Variants in PRIM1 observed in about 807,000 individuals in gnomAD.
PRIM1 encodes the protein DNA primase subunit 1.
PRIM1 carries 38 observed loss-of-function variants against 60.2 expected under a neutral mutation model. The observed-to-expected ratio is 0.63, with a 90% CI of 0.49 to 0.83. The LOEUF (loss-of-function observed/expected upper bound fraction) is 0.83, where lower values mean the gene tolerates loss of function less well. PRIM1 is among the 40% of genes least tolerant of loss of function. The pLI, the probability that PRIM1 is intolerant of heterozygous loss-of-function variation, is 0.00. For synonymous variants in PRIM1, 158 were observed against 160.2 expected (o/e 0.99, Z 0.10); for missense variants, 388 against 506.2 (o/e 0.77, Z 2.24).
At chr12:56,743,906 C>G in intron 6 of PRIM1, 159 bp downstream of exon 6, 1 of 538,476 alleles carries the variant, frequency 1.9e-6, no homozygotes, top group Admixed American at 3.3e-5. Flanking sequence ...TGTAAAGCAC[C>G]TTTTAGGAAT....
chr12:56,733,411 A>G (rs1456626248), intron 12 of PRIM1, among the ~76,000 whole-genome samples: 4 of 151,320 alleles, frequency 2.6e-5, no homozygotes, highest in Non-Finnish European at 5.9e-5. Flanking sequence ...CACCTGCCTC[A>G]GCATCCCAAA....
chr12:56,746,688 T>G, intron 4 of PRIM1, 93 bp downstream of exon 4: 3 of 1,065,534 alleles, frequency 2.8e-6, no homozygotes, highest in East Asian at 5.1e-5. Context: ...ATTAATGAGA[T>G]TTGATCACAA....
intron 12 of PRIM1, among the ~76,000 whole-genome samples, chr12:56,732,829 G>T (rs567136392): frequency 1.3e-5 from 2 of 151,388 alleles, no homozygotes; most frequent in Non-Finnish European, 2.9e-5. Context: ...ATACCTTATG[G>T]TATAGTATAT....
At chr12:56,747,852 A>T (rs970883249) in intron 2 of PRIM1, among the ~76,000 whole-genome samples, 5 of 151,306 alleles carry the variant, frequency 3.3e-5, no homozygotes, top group Non-Finnish European at 7.4e-5. Context: ...GGCTGTCAGT[A>T]AGGAAAGATA....
chr12:56,741,622 G>T, intron 8 of PRIM1, 46 bp from the exon 9 acceptor site: 1 of 1,585,798 alleles, frequency 6.3e-7, no homozygotes, highest in South Asian at 1.1e-5. Flanking sequence ...AGGAACTGTT[G>T]AAGATTTCTT....
intron 9 of PRIM1, 102 bp from the exon 10 acceptor site, chr12:56,739,465 A>T: frequency 4.4e-6 from 3 of 679,416 alleles, no homozygotes; most frequent in Non-Finnish European, 7.0e-6. Context: ...TAAGGCTTAG[A>T]CAAAGGGTTA....
At chr12:56,734,116 C>T (rs1017542148) in intron 12 of PRIM1, 31 bp downstream of exon 12, 14 of 1,453,114 alleles carry the variant, frequency 9.6e-6, no homozygotes, top group Non-Finnish European at 1.3e-5. Flanking sequence ...TAAGATCTAA[C>T]TAGATAGAAG....
rs375368440 is a variant in PRIM1 at position 56,739,307 on chromosome 12, C to G, written c.1039G>C (p.Val347Leu). Reference sequence around the variant, plus strand: ...TCTGAAACATACCTTATGGTCGGAACAGTAAATGGATCAAACTGGTCCACT... The same window carrying G: ...TCTGAAACATACCTTATGGTCGGAAGAGTAAATGGATCAAACTGGTCCACT... The part of the protein sequence containing the change: ...QKVDQFDPFT[V>L]PTISFICREL... Residue 347 changes from valine to leucine, a missense_variant, in exon 10 of 13, where the codon GTT (valine) becomes CTT (leucine). Coordinates refer to ENST00000338193, the MANE Select transcript of PRIM1 (RefSeq NM_000946.3). 6.4e-7 allele frequency: 1 copy of G among 1,572,828 alleles called. No individual in the cohort carries two copies. Among genetic ancestry groups the G allele is most frequent in the Non-Finnish European group, 8.7e-7 (1 of 1,153,024 alleles).
chr12:56,747,117 G>T, intron 2 of PRIM1, 85 bp from the exon 3 acceptor site: 3 of 1,149,098 alleles, frequency 2.6e-6, no homozygotes, highest in Non-Finnish European at 3.8e-6. Context: ...GGAAAAAGTT[G>T]CCAAACAGAA....
At chr12:56,736,327 A>AAG (rs1953830227) in intron 11 of PRIM1, among the ~76,000 whole-genome samples, 1 of 148,654 alleles carries the variant, frequency 6.7e-6, no homozygotes, top group Non-Finnish European at 1.5e-5. Flanking sequence ...AAAAAAAAAA[A>AAG]GAATATACAA....
chr12:56,735,230 C>T (rs1358540072), intron 11 of PRIM1, among the ~76,000 whole-genome samples: 3 of 152,172 alleles, frequency 2.0e-5, no homozygotes, highest in South Asian at 4.1e-4. Context: ...TCCTGAGTAG[C>T]TGGGACTATA....
chr12:56,740,766 T>C (rs1953866807), intron 9 of PRIM1, among the ~76,000 whole-genome samples: 1 of 151,912 alleles, frequency 6.6e-6, no homozygotes, highest in South Asian at 2.1e-4. Context: ...CGAAAAAAAT[T>C]TTTTTTTGTT....
intron 9 of PRIM1, among the ~76,000 whole-genome samples, chr12:56,740,596 A>G (rs1183654431): frequency 2.0e-5 from 3 of 152,058 alleles, no homozygotes; most frequent in South Asian, 2.1e-4. Flanking sequence ...CCTGGGCAAC[A>G]TGGCAAAACC....
intron 9 of PRIM1, among the ~76,000 whole-genome samples, chr12:56,740,158 AC>A (rs1347920061): frequency 3.3e-5 from 5 of 151,972 alleles, no homozygotes; most frequent in Non-Finnish European, 5.9e-5. Flanking sequence ...AAGAAAAAAA[AC>A]AAAAACAAAA....
At chr12:56,742,022 G>GT (rs572996640) in intron 7 of PRIM1, 185 bp from the exon 8 acceptor site, 87 of 617,482 alleles carry the variant, frequency 1.4e-4, no homozygotes, top group African/African-American at 8.2e-4. Flanking sequence ...GGAGGCAGAG[G>GT]TGGGTGGATC....
rs71446569 is a variant in PRIM1 at position 56,746,626 on chromosome 12, TCACACACACA to T, written c.442+145_442+154del. On this transcript the variant is annotated intron_variant, in intron 4 of 12. Coordinates refer to ENST00000338193, the MANE Select transcript of PRIM1 (RefSeq NM_000946.3). Reference sequence around the variant, plus strand: ...AGCCTGGCTGACAGAGTGAGACTCGTCACACACACACACACACACACACACACACACACAC... The same window carrying T: ...AGCCTGGCTGACAGAGTGAGACTCGTCACACACACACACACACACACACAC... 2.2e-3 allele frequency: 1,411 copies of T among 640,418 alleles called. 4 individuals are homozygous for T. Among genetic ancestry groups the T allele is most frequent in the African/African-American group, 0.018 (832 of 44,996 alleles). 39.7% of individuals were successfully genotyped at this position (640,418 alleles called of 1,614,324 possible).
At chr12:56,735,133 G>T (rs1421581898) in intron 11 of PRIM1, among the ~76,000 whole-genome samples, 1 of 143,424 alleles carries the variant, frequency 7.0e-6, no homozygotes, top group Non-Finnish European at 1.5e-5. Flanking sequence ...TTTGAGTCTT[G>T]CTCTGTTGCC....
chr12:56,742,584 C>G (rs1953880542), intron 7 of PRIM1, among the ~76,000 whole-genome samples: 1 of 151,482 alleles, frequency 6.6e-6, no homozygotes, highest in Non-Finnish European at 1.5e-5. Context: ...AAAACAACAA[C>G]AACAACAAAA....
At chr12:56,744,706 C>A (rs1441177457) in intron 5 of PRIM1, among the ~76,000 whole-genome samples, 1 of 152,086 alleles carries the variant, frequency 6.6e-6, no homozygotes, top group Admixed American at 6.6e-5. Context: ...GCTATACCAT[C>A]TGGGTCTGTG....
Sources: allele counts gnomAD v4.1 joint callset (sites outside exome capture counted in the v4.1 genomes callset), GRCh38; gene constraint gnomAD v4.1.1; transcripts MANE v1.5; gene names NCBI Gene and HGNC (gene_info 2026-07-23, HGNC 2026-07-21).